The following PLCG2 variants were observed in gnomAD, a reference collection of about 807,000 sequenced individuals.
PLCG2 encodes phospholipase C gamma 2, also known as 1-phosphatidylinositol 4,5-bisphosphate phosphodiesterase gamma-2.
Under a neutral mutation model 175.6 loss-of-function variants are expected in PLCG2, and 69 were observed. The ratio of observed to expected loss-of-function variants is 0.39; its 90% CI spans 0.32 to 0.48. PLCG2 has a LOEUF of 0.48. Among genes scored for constraint, PLCG2 ranks in the 20% least tolerant of loss-of-function variants. PLCG2 has a pLI of 0.91. For synonymous variants in PLCG2, 827 were observed against 624.0 expected, an observed-to-expected ratio of 1.33 and a Z score of -4.85; for missense variants, 1,798 against 1,650.9, an observed-to-expected ratio of 1.09 and a Z score of -1.54.
In PLCG2 at chr16:81,878,817, T is replaced by C. The variant is rs112608620; in HGVS notation, c.649-2093T>C. Among the ~76,000 whole-genome samples the C allele has an allele frequency of 2.3e-3, 356 of 152,326 alleles. 1 individual carries two copies. The highest frequency in any genetic ancestry group is 4.3e-3 in the Non-Finnish European group (291 of 68,032). On this transcript the variant is annotated intron_variant, in intron 7 of 32. Transcript: ENST00000564138. The stretch of plus-strand genomic sequence containing the variant: ...CTGTCTTCCTTATCTTGCCTCTCAC[T>C]GTTGGTTCTCTTGCAGCGTTTGTGG...
chr16:81,874,520 G>C (rs139124866), intron 7 of PLCG2, among the ~76,000 whole-genome samples: 1 of 152,196 alleles, frequency 6.6e-6, no homozygotes, highest in Non-Finnish European at 1.5e-5. Flanking sequence ...TAACCTGTTA[G>C]CAAATTGTTT....
At chr16:81,837,772 TA>T (rs1291982956) in intron 2 of PLCG2, among the ~76,000 whole-genome samples, 6 of 151,766 alleles carry the variant, frequency 4.0e-5, no homozygotes, top group Non-Finnish European at 8.8e-5. Flanking sequence ...CATAAAGATG[TA>T]AGAAATGATA....
intron 7 of PLCG2, among the ~76,000 whole-genome samples, chr16:81,878,128 GCCCA>G (rs1907904090): frequency 6.6e-6 from 1 of 151,428 alleles, no homozygotes; most frequent in Admixed American, 6.6e-5. Context: ...GACTACAGGC[GCCCA>G]CCACCACGCC....
chr16:81,762,239 A>G (rs1049526996), intron 2 of PLCG2, among the ~76,000 whole-genome samples: 1 of 152,318 alleles, frequency 6.6e-6, no homozygotes, highest in East Asian at 1.9e-4. Flanking sequence ...AAATGCATAC[A>G]TATGTTGCTA....
intron 1 of PLCG2, among the ~76,000 whole-genome samples, chr16:81,784,560 T>C (rs1330914345): frequency 6.6e-6 from 1 of 152,170 alleles, no homozygotes; most frequent in Non-Finnish European, 1.5e-5. Context: ...CCTTGAGAGC[T>C]ACAGAGTAAC....
At chr16:81,846,386 C>T (rs1906118982) in intron 2 of PLCG2, among the ~76,000 whole-genome samples, 1 of 152,212 alleles carries the variant, frequency 6.6e-6, no homozygotes, top group Non-Finnish European at 1.5e-5. Context: ...CGCCATCCCA[C>T]TCCTGCACTC....
chr16:81,822,096 C>G (rs1346317817), intron 2 of PLCG2, among the ~76,000 whole-genome samples: 1 of 151,564 alleles, frequency 6.6e-6, no homozygotes, highest in Non-Finnish European at 1.5e-5. Context: ...TCTTTTTTTT[C>G]TTCCTTTTTC....
Position 81,761,570 on chromosome 16 carries a change from G to A in PLCG2, c.-48+5604G>A, listed in dbSNP as rs1406039335. 7.2e-5 allele frequency among the ~76,000 whole-genome samples: 11 copies of A among 152,076 alleles called. No individual in the cohort carries two copies. The East Asian group carries it at 7.7e-4, about 11-fold the overall frequency. On this transcript the variant is annotated intron_variant, in intron 2 of 5. Transcript: ENST00000565054. ...AGCCTTTCAAACTTGACCATGGCTCGAACTTCATTATGCCCCAGTTTCCTC... is the reference window on the plus strand; with the variant it reads ...AGCCTTTCAAACTTGACCATGGCTCAAACTTCATTATGCCCCAGTTTCCTC...
intron 1 of PLCG2, among the ~76,000 whole-genome samples, chr16:81,784,475 A>T (rs537875192): frequency 1.3e-5 from 2 of 152,228 alleles, no homozygotes; most frequent in Admixed American, 1.3e-4. Context: ...AAGCACAGAC[A>T]GCCCTGGCTG....
At chr16:81,760,663 C>T (rs969635664) in intron 2 of PLCG2, among the ~76,000 whole-genome samples, 1 of 151,266 alleles carries the variant, frequency 6.6e-6, no homozygotes, top group Non-Finnish European at 1.5e-5. Flanking sequence ...ATAATCCCAA[C>T]CCTTTGGGAG....
chr16:81,887,186 C>T (rs1908412032), intron 9 of PLCG2, among the ~76,000 whole-genome samples: 1 of 151,160 alleles, frequency 6.6e-6, no homozygotes, highest in South Asian at 2.1e-4. Context: ...GTGGCGCGAT[C>T]TCTGCTCACC....
upstream of PLCG2, among the ~76,000 whole-genome samples, chr16:81,775,676 C>T (rs1231790495): frequency 4.6e-5 from 7 of 152,088 alleles, no homozygotes; most frequent in African/African-American, 1.7e-4. Flanking sequence ...ATTTGTATGC[C>T]CAAGGACTGG....
In PLCG2 at chr16:81,939,907, G is replaced by A. The variant is rs771833349; in HGVS notation, c.3329G>A (p.Ser1110Asn). 5.6e-6 allele frequency: 9 copies of A among 1,613,596 alleles called. No individual in the cohort carries two copies. Among genetic ancestry groups the A allele is most frequent in the Admixed American group, 1.7e-5 (1 of 60,028 alleles). ...KTTVVNDNGLSPIWAPTQEKV... is the reference protein window; with the variant it reads ...KTTVVNDNGLNPIWAPTQEKV... ...CTCCTTCCAGATGATAATGGCCTCA[G>A]CCCTATCTGGGCTCCAACACAGGAG... The change falls in exon 30 of 33, where the codon AGC becomes AAC. Residue 1110 changes from serine (S) to asparagine (N), a missense_variant. Coordinates refer to ENST00000564138, the MANE Select transcript of PLCG2 (RefSeq NM_002661.5).
chr16:81,961,579 T>C lies in PLCG2; in HGVS notation c.*3581T>C, dbSNP rs1911777827. ...TTAGGCTAAAATTTTGAGGGAGAAG[T>C]GGTATGAAAATACAAATTCAAGGAG... is the stretch of plus-strand genomic sequence containing the variant. On this transcript the variant is annotated 3_prime_UTR_variant, in exon 33 of 33. Transcript: ENST00000564138. The C allele has an allele frequency of 4.6e-6, 1 of 216,140 alleles. No homozygotes were observed. The highest frequency in any genetic ancestry group is 9.3e-6 in the Non-Finnish European group (1 of 107,494). 13.4% of individuals were successfully genotyped at this position (216,140 alleles called of 1,614,324 possible). A position where few individuals can be genotyped will look rare whatever the true frequency, so the allele number is the denominator to read the frequency against.
intron 4 of PLCG2, 85 bp downstream of exon 4, chr16:81,858,441 A>AC: frequency 2.7e-6 from 1 of 372,708 alleles, no homozygotes; most frequent in Non-Finnish European, 4.8e-6. Flanking sequence ...CAGGGGGGAA[A>AC]AAAAAAAAAA....
Position 81,844,804 on chromosome 16 carries a change from A to T in PLCG2, c.194-9640A>T, listed in dbSNP as rs544729691. ...TATGTACATGTACACATGGCCATGT[A>T]TGTGTGTACACACATGGATGCATAC... On this transcript the variant is annotated intron_variant, in intron 2 of 32. Coordinates refer to ENST00000564138, the MANE Select transcript of PLCG2 (RefSeq NM_002661.5). 3.9e-5 allele frequency among the ~76,000 whole-genome samples: 6 copies of T among 152,380 alleles called. No individual in the cohort carries two copies. In the South Asian group the frequency reaches 1.2e-3, roughly 32 times the overall value.
At chr16:81,782,956 TAC>T (rs906872491) in intron 1 of PLCG2, among the ~76,000 whole-genome samples, 1 of 152,184 alleles carries the variant, frequency 6.6e-6, no homozygotes, top group Non-Finnish European at 1.5e-5. Flanking sequence ...GAGCAGCTAT[TAC>T]AAAGCAATTG....
At chr16:81,931,685 G>A in intron 25 of PLCG2, 31 bp downstream of exon 25, 1 of 1,604,984 alleles carries the variant, frequency 6.2e-7, no homozygotes, top group South Asian at 1.1e-5. Context: ...GTGCAGGTGG[G>A]CCTGGCATTC....
At chr16:81,833,572 C>T (rs534142171) in intron 2 of PLCG2, among the ~76,000 whole-genome samples, 2 of 151,608 alleles carry the variant, frequency 1.3e-5, no homozygotes, top group Admixed American at 6.6e-5. Flanking sequence ...CTCTGTCACC[C>T]AGGCTGGAGT....
Sources: gnomAD v4.1 joint callset for allele counts (sites outside exome capture counted in the v4.1 genomes callset) on GRCh38, gnomAD v4.1.1 for gene constraint, MANE v1.5 for transcripts, NCBI Gene and HGNC (gene_info 2026-07-23, HGNC 2026-07-21) for gene names.